IGF2R: variants seen among roughly 807,000 people sequenced by gnomAD.
The protein encoded by IGF2R is cation-independent mannose-6-phosphate receptor.
Under a neutral mutation model 270.6 loss-of-function variants are expected in IGF2R, and 91 were observed. The observed-to-expected ratio is 0.34, with a 90% CI of 0.28 to 0.40. The LOEUF (loss-of-function observed/expected upper bound fraction) is 0.40, where lower values mean the gene tolerates loss of function less well. IGF2R is among the 10% of genes least tolerant of loss of function. IGF2R has a pLI of 1.00. For missense variants in IGF2R, 2,805 were observed against 3,188.3 expected (o/e 0.88, Z 2.90); for synonymous variants, 1,316 against 1,258.9 (o/e 1.05, Z -0.96).
At chr6:160,045,063 G>T (rs1778038764) in intron 13 of IGF2R, among the ~76,000 whole-genome samples, 1 of 152,106 alleles carries the variant, frequency 6.6e-6, no homozygotes, top group Non-Finnish European at 1.5e-5. Flanking sequence ...GATGTATGTT[G>T]TTTTTACCAA....
At chr6:159,976,463 T>C (rs993913669) in intron 1 of IGF2R, among the ~76,000 whole-genome samples, 2 of 152,146 alleles carry the variant, frequency 1.3e-5, no homozygotes, top group Non-Finnish European at 2.9e-5. Flanking sequence ...TTTTTCATCT[T>C]TTCACCTTTT....
chr6:160,085,564 G>A (rs1356213344), intron 41 of IGF2R, among the ~76,000 whole-genome samples: 3 of 152,162 alleles, frequency 2.0e-5, no homozygotes, highest in East Asian at 1.9e-4. Context: ...AATTTTTCAC[G>A]GGAAATTGAT....
intron 37 of IGF2R, among the ~76,000 whole-genome samples, chr6:160,078,947 C>T (rs1248479409): frequency 6.6e-6 from 1 of 152,080 alleles, no homozygotes; most frequent in Non-Finnish European, 1.5e-5. Context: ...CCTGGGGGCC[C>T]CTGACTCCCT....
chr6:159,981,996 G>C (rs1038067819), intron 1 of IGF2R, among the ~76,000 whole-genome samples: 1 of 152,166 alleles, frequency 6.6e-6, no homozygotes, highest in East Asian at 1.9e-4. Flanking sequence ...ACAGCTTTGT[G>C]GGTTTGTTAG....
chr6:160,012,352 C>A (rs1430824088), intron 4 of IGF2R, among the ~76,000 whole-genome samples: 1 of 152,084 alleles, frequency 6.6e-6, no homozygotes, highest in African/African-American at 2.4e-5. Flanking sequence ...AAAGAAACAC[C>A]TGAGACTGGG....
In IGF2R at chr6:160,062,635, T is replaced by A; in HGVS notation, c.3670+16T>A. On this transcript the variant is annotated intron_variant, in intron 26 of 47. Transcript: ENST00000356956. ...AGAGTGGAAGGTAGGACTGGGCCTG[T>A]CCCTACAAGTCATTTTAAATGTATA... 4 of 1,576,694 alleles carry A rather than the reference T, an allele frequency of 2.5e-6. No homozygotes were observed. The highest frequency in any genetic ancestry group is 3.5e-6 in the Non-Finnish European group (4 of 1,147,430).
Position 160,111,236 on chromosome 6 carries a change from G to A in IGF2R, c.*6152G>A, listed in dbSNP as rs907918088. 4.7e-5 allele frequency: 7 copies of A among 148,268 alleles called. No homozygotes were observed. The highest frequency in any genetic ancestry group is 2.0e-4 in the Admixed American group (3 of 15,030). The allele number at this position is 148,268 out of a possible 1,614,324, so 9.2% of individuals were successfully genotyped here. A position where few individuals can be genotyped will look rare whatever the true frequency, so the allele number is the denominator to read the frequency against. On this transcript the variant is annotated 3_prime_UTR_variant, in exon 48 of 48. Transcript: ENST00000356956. Reference sequence around the variant, plus strand: ...GAACTCTGTGGGTCCACTTACATGCGGTTTTTTTTTTCTGTAAAAGTTACA... The same window carrying A: ...GAACTCTGTGGGTCCACTTACATGCAGTTTTTTTTTTCTGTAAAAGTTACA...
At chr6:160,000,191 AC>A (rs1784107279) in intron 2 of IGF2R, among the ~76,000 whole-genome samples, 1 of 152,226 alleles carries the variant, frequency 6.6e-6, no homozygotes, top group South Asian at 2.1e-4. Flanking sequence ...GTAAAGAACT[AC>A]CTGATACTTG....
chr6:159,969,361 C>G lies in IGF2R; in HGVS notation c.115C>G (p.Gln39Glu), dbSNP rs753534364. The G allele has an allele frequency of 1.7e-4, 224 of 1,294,430 alleles. No individual in the cohort carries two copies. Among genetic ancestry groups the G allele is most frequent in the Non-Finnish European group, 2.1e-4 (218 of 1,019,978 alleles). The allele number at this position is 1,294,430 out of a possible 1,614,324, so 80.2% of individuals were successfully genotyped here. Residue 39 changes from glutamine (Q) to glutamate (E), a missense_variant, in exon 1 of 48, where the codon CAG (glutamine) becomes GAG (glutamate). Transcript: ENST00000356956. ...GCTCGTCGCTGCCCCGGGGTCCACG[C>G]AGGCCCAGGCCGCCCCGTTCCCCGA... Reference protein sequence around the residue: ...LLLVAAPGSTQAQAAPFPELC... With the variant: ...LLLVAAPGSTEAQAAPFPELC...
chr6:160,081,546 G>A (rs559850067), intron 39 of IGF2R, among the ~76,000 whole-genome samples: 9 of 152,274 alleles, frequency 5.9e-5, no homozygotes, highest in African/African-American at 1.2e-4. Context: ...GCAGAGAACC[G>A]GTTTAACTAG....
intron 2 of IGF2R, among the ~76,000 whole-genome samples, chr6:159,996,575 T>C (rs1436019619): frequency 2.0e-5 from 3 of 150,736 alleles, no homozygotes; most frequent in Non-Finnish European, 1.5e-5. Flanking sequence ...TGCGGGGAGG[T>C]GTGGGGGTTG....
intron 44 of IGF2R, chr6:160,093,342 C>G (rs896311576): frequency 3.9e-6 from 1 of 255,128 alleles, no homozygotes; most frequent in African/African-American, 2.2e-5. Flanking sequence ...GGCCAGCCCT[C>G]TTTTTGGGCA....
rs1783738765 is a variant in IGF2R, at chr6:159,979,039, G to T, written c.149+9644G>T. Among the ~76,000 whole-genome samples, 2 of 152,168 alleles carry T rather than the reference G, an allele frequency of 1.3e-5. 1 individual carries two copies. The highest frequency in any genetic ancestry group is 4.1e-4 in the South Asian group (2 of 4,830). On this transcript the variant is annotated intron_variant, in intron 1 of 47. Coordinates refer to ENST00000356956, the MANE Select transcript of IGF2R (RefSeq NM_000876.4). ...TGTGTGACAGCAAAAACTGGCCTTT[G>T]CAGTTGAGTTGCCTGTGGGCTATGG... is the stretch of plus-strand genomic sequence containing the variant.
At chr6:160,036,579 G>A (rs1482454471) in intron 10 of IGF2R, among the ~76,000 whole-genome samples, 1 of 152,166 alleles carries the variant, frequency 6.6e-6, no homozygotes, top group Non-Finnish European at 1.5e-5. Context: ...ATCTTTGAGA[G>A]TGTGCTGATC....
chr6:160,058,744 AT>A (rs747176490), intron 21 of IGF2R, among the ~76,000 whole-genome samples, 161 bp from the exon 22 acceptor site: 1 of 152,234 alleles, frequency 6.6e-6, no homozygotes, highest in African/African-American at 2.4e-5. Context: ...CTTTGGACTT[AT>A]GTACTAACTG....
chr6:160,007,520 G>A (rs762579352), intron 2 of IGF2R: 7 of 152,120 alleles, frequency 4.6e-5, no homozygotes, highest in Non-Finnish European at 7.4e-5. Flanking sequence ...TGATTTGCTT[G>A]ATCATGTCTT....
At position 160,050,382 on chromosome 6, in the gene IGF2R, T is replaced by A; in HGVS notation, c.2515-91T>A. ...GGTTCTGTATTCAATAATTCATTGT[T>A]TGCTGCAGCTTTATAGAATGTAACC... On this transcript the variant is annotated intron_variant, in intron 18 of 47. Coordinates refer to ENST00000356956, the MANE Select transcript of IGF2R (RefSeq NM_000876.4). This position sits in a 1 kb window ranked among gnomAD's most constrained non-coding sequence, Gnocchi z 4.0. 7.9e-7 allele frequency: 1 copy of A among 1,260,270 alleles called. No individual in the cohort carries two copies. Among genetic ancestry groups the A allele is most frequent in the Non-Finnish European group, 1.1e-6 (1 of 895,236 alleles). 78.1% of individuals were successfully genotyped at this position (1,260,270 alleles called of 1,614,324 possible). A position where few individuals can be genotyped will look rare whatever the true frequency, so the allele number is the denominator to read the frequency against.
At position 160,089,127 on chromosome 6, in the gene IGF2R, C is replaced by T. The variant is rs1779161472; in HGVS notation, c.6341C>T (p.Thr2114Ile). Residue 2114 changes from threonine to isoleucine, a missense_variant, in exon 43 of 48, where the codon ACT (threonine) becomes ATT (isoleucine). Coordinates refer to ENST00000356956, the MANE Select transcript of IGF2R (RefSeq NM_000876.4). The stretch of plus-strand genomic sequence containing the variant: ...CCTAGGTTTGATATCGACAGCTGCA[C>T]TTACTACTTCAGCTGGGACTCCCGG... Reference protein sequence around the residue: ...AFKRFDIDSCTYYFSWDSRAA... With the variant: ...AFKRFDIDSCIYYFSWDSRAA... 1.2e-6 allele frequency: 2 copies of T among 1,613,946 alleles called. No individual in the cohort carries two copies. The highest frequency in any genetic ancestry group is 3.3e-5 in the Admixed American group (2 of 60,006).
intron 31 of IGF2R, among the ~76,000 whole-genome samples, chr6:160,070,960 G>T (rs1778708921): frequency 6.6e-6 from 1 of 152,228 alleles, no homozygotes; most frequent in Non-Finnish European, 1.5e-5. Flanking sequence ...GACCTGAGAG[G>T]CTCATGGCCG....
Sources: gnomAD v4.1 joint callset for allele counts (sites outside exome capture counted in the v4.1 genomes callset) on GRCh38, gnomAD v4.1.1 for gene constraint, Gnocchi (gnomAD v3.1) non-coding constraint, MANE v1.5 for transcripts, NCBI Gene and HGNC (gene_info 2026-07-23, HGNC 2026-07-21) for gene names.